Variants in NR2F1-AS1 observed in about 807,000 individuals in gnomAD.
The protein encoded by NR2F1-AS1 is NR2F1 regulatory antisense RNA 1.
At chr5:93,483,885 A>G (rs1750656185) in intron 4 of NR2F1-AS1, among the ~76,000 whole-genome samples, 1 of 152,174 alleles carries the variant, frequency 6.6e-6, no homozygotes. Context: ...ATAAACTGTG[A>G]AGACATGATT....
At chr5:93,417,985 T>A (rs1749003270) in intron 4 of NR2F1-AS1, among the ~76,000 whole-genome samples, 1 of 152,218 alleles carries the variant, frequency 6.6e-6, no homozygotes, top group Non-Finnish European at 1.5e-5. Flanking sequence ...AGTTGCATCA[T>A]GCTTTTTTCT....
intron 1 of NR2F1-AS1, among the ~76,000 whole-genome samples, chr5:93,565,157 ATAGT>A (rs1752588916): frequency 6.6e-6 from 1 of 152,196 alleles, no homozygotes; most frequent in Admixed American, 6.5e-5. Flanking sequence ...GACTTATTAT[ATAGT>A]CTTAGGCAAG....
chr5:93,419,427 C>T (rs944679502), intron 4 of NR2F1-AS1, among the ~76,000 whole-genome samples: 15 of 152,144 alleles, frequency 9.9e-5, no homozygotes, highest in Admixed American at 7.2e-4. Context: ...GGCACAGTGG[C>T]GTGCACCTGC....
At chr5:93,452,801 A>T (rs1749865093) in intron 4 of NR2F1-AS1, among the ~76,000 whole-genome samples, 1 of 152,180 alleles carries the variant, frequency 6.6e-6, no homozygotes, top group Non-Finnish European at 1.5e-5. Context: ...CCCTTTAACA[A>T]AGCAAACAAT....
At chr5:93,475,123 C>CA (rs575698972) in intron 4 of NR2F1-AS1, among the ~76,000 whole-genome samples, 7,387 of 64,698 alleles carry the variant, frequency 0.11, 442 homozygotes, top group African/African-American at 0.26. Flanking sequence ...GACTCCATCT[C>CA]AAAAAAAAAA....
chr5:93,551,644 G>A (rs1752232511), intron 4 of NR2F1-AS1, among the ~76,000 whole-genome samples: 1 of 151,930 alleles, frequency 6.6e-6, no homozygotes, highest in African/African-American at 2.4e-5. Flanking sequence ...CTCCTCCTTT[G>A]ATTTACTCTT....
chr5:93,477,445 T>C (rs1221239301), intron 4 of NR2F1-AS1, among the ~76,000 whole-genome samples: 1 of 152,240 alleles, frequency 6.6e-6, no homozygotes, highest in Non-Finnish European at 1.5e-5. Flanking sequence ...CAATTTTTCA[T>C]GATATAGCTA....
intron 4 of NR2F1-AS1, among the ~76,000 whole-genome samples, chr5:93,436,380 G>C (rs1749431364): frequency 1.3e-5 from 2 of 152,066 alleles, no homozygotes; most frequent in Non-Finnish European, 2.9e-5. Flanking sequence ...TAGAATTAAA[G>C]GTATCCCCAC....
intron 4 of NR2F1-AS1, among the ~76,000 whole-genome samples, chr5:93,518,324 A>G (rs1751437456): frequency 1.3e-5 from 2 of 152,214 alleles, no homozygotes; most frequent in South Asian, 4.1e-4. Context: ...TTTCAATGTT[A>G]TTAGACTGAT....
chr5:93,585,122 C>T, upstream of NR2F1-AS1: 2 of 1,003,612 alleles, frequency 2.0e-6, no homozygotes, highest in Non-Finnish European at 2.4e-6. Context: ...CCCGCGGCGG[C>T]GGCGGCGGCG....
chr5:93,539,360 T>A (rs573764159), intron 4 of NR2F1-AS1, among the ~76,000 whole-genome samples: 2 of 152,290 alleles, frequency 1.3e-5, no homozygotes, highest in East Asian at 3.9e-4. Flanking sequence ...AACCTATGTA[T>A]TCAACAACAG....
At chr5:93,457,522 T>A (rs1360469612) in intron 4 of NR2F1-AS1, among the ~76,000 whole-genome samples, 2 of 152,148 alleles carry the variant, frequency 1.3e-5, no homozygotes. Context: ...GTCTCTTATG[T>A]CTACTTCTTT....
intron 4 of NR2F1-AS1, among the ~76,000 whole-genome samples, chr5:93,456,658 ATTTTT>A (rs75556353): frequency 6.8e-6 from 1 of 145,986 alleles, no homozygotes; most frequent in Non-Finnish European, 1.5e-5. Flanking sequence ...TACATTTTTA[ATTTTT>A]TTTTTTTTTA....
At chr5:93,466,916 G>GA (rs1169154680) in intron 4 of NR2F1-AS1, among the ~76,000 whole-genome samples, 2 of 123,102 alleles carry the variant, frequency 1.6e-5, no homozygotes, top group East Asian at 6.9e-4. Context: ...GGGGGGGGGG[G>GA]GGTGGACGGA....
rs182006912 is a variant in NR2F1-AS1 at position 93,413,901 on chromosome 5, C to G, written n.639-18359G>C. ...TTATAAAGGCATTTCTCTAAGAACA[C>G]ACTTCTTACATCATAGATCTCTGAG... On this transcript the variant is annotated intron_variant and non_coding_transcript_variant, in intron 4 of 5. Transcript: ENST00000660523. 2.4e-4 allele frequency among the ~76,000 whole-genome samples: 37 copies of G among 152,242 alleles called. 1 individual carries two copies. The East Asian group carries it at 6.6e-3, about 27-fold the overall frequency.
intron 4 of NR2F1-AS1, among the ~76,000 whole-genome samples, chr5:93,415,716 T>C (rs2149840181): frequency 6.6e-6 from 1 of 152,336 alleles, no homozygotes; most frequent in South Asian, 2.1e-4. Context: ...TCCCTGCCTG[T>C]TATTATTGCA....
chr5:93,571,854 G>C (rs1305218631), intron 1 of NR2F1-AS1, among the ~76,000 whole-genome samples: 1 of 147,296 alleles, frequency 6.8e-6, no homozygotes, highest in Non-Finnish European at 1.5e-5. Context: ...AAACGGAAAA[G>C]GCAATATGAT....
At chr5:93,469,101 T>C (rs1217946999) in intron 4 of NR2F1-AS1, among the ~76,000 whole-genome samples, 1 of 152,168 alleles carries the variant, frequency 6.6e-6, no homozygotes, top group Non-Finnish European at 1.5e-5. Flanking sequence ...TTATTTTTGA[T>C]ACTCTCTAAA....
At chr5:93,581,836 CCTCT>C (rs1180859681), upstream of NR2F1-AS1, among the ~76,000 whole-genome samples, 1 of 50,836 alleles carries the variant, frequency 2.0e-5, no homozygotes, top group African/African-American at 6.3e-5. Context: ...CTCTCTCTCT[CCTCT>C]CTCTCTCTCT....
Sources: allele counts gnomAD v4.1 joint callset (sites outside exome capture counted in the v4.1 genomes callset), GRCh38; gene constraint gnomAD v4.1.1; transcripts MANE v1.5; gene names NCBI Gene and HGNC (gene_info 2026-07-23, HGNC 2026-07-21).